INPP4B: variants seen among roughly 807,000 people sequenced by gnomAD.
The protein encoded by INPP4B is inositol polyphosphate 4-phosphatase type II.
INPP4B carries 55 observed loss-of-function variants against 122.5 expected under a neutral mutation model. The observed-to-expected ratio is 0.45, with a 90% CI of 0.36 to 0.56. The LOEUF (loss-of-function observed/expected upper bound fraction) is 0.56, where lower values mean the gene tolerates loss of function less well. INPP4B is among the 20% of genes least tolerant of loss of function. The probability of loss-of-function intolerance (pLI) is 0.00; values close to 1 mark genes in which losing one functional copy is unlikely to be tolerated. For missense variants in INPP4B, 1,000 were observed against 1,097.7 expected (o/e 0.91, Z 1.26); for synonymous variants, 403 against 388.7 (o/e 1.04, Z -0.43).
intron 2 of INPP4B, among the ~76,000 whole-genome samples, chr4:142,518,205 T>C (rs150939919): frequency 5.4e-4 from 82 of 152,236 alleles, no homozygotes; most frequent in African/African-American, 1.8e-3. Context: ...AGATTAAAAG[T>C]CAGAAACCCT....
chr4:142,691,404 T>C (rs571475555), intron 2 of INPP4B, among the ~76,000 whole-genome samples: 1 of 151,794 alleles, frequency 6.6e-6, no homozygotes, highest in East Asian at 1.9e-4. Flanking sequence ...ACAGATGCCC[T>C]AGAAAAATTT....
At chr4:142,749,399 A>T (rs1404735811) in intron 1 of INPP4B, among the ~76,000 whole-genome samples, 1 of 150,494 alleles carries the variant, frequency 6.6e-6, no homozygotes, top group Non-Finnish European at 1.5e-5. Flanking sequence ...AAAAGTAACC[A>T]AGTAAATCTA....
At chr4:142,277,092 A>G (rs1007609993) in intron 9 of INPP4B, among the ~76,000 whole-genome samples, 1 of 150,450 alleles carries the variant, frequency 6.6e-6, no homozygotes, top group Non-Finnish European at 1.5e-5. Flanking sequence ...GATGCTGAGC[A>G]TTTTTTTATA....
intron 1 of INPP4B, among the ~76,000 whole-genome samples, chr4:142,803,833 G>A (rs187599246): frequency 7.2e-5 from 11 of 151,904 alleles, no homozygotes; most frequent in Non-Finnish European, 1.5e-4. Flanking sequence ...GAGACAGGCG[G>A]ATCACATGAG....
chr4:142,505,342 G>C (rs943649892), intron 2 of INPP4B, among the ~76,000 whole-genome samples: 11 of 151,954 alleles, frequency 7.2e-5, no homozygotes, highest in African/African-American at 2.7e-4. Flanking sequence ...GGTGATGACT[G>C]TTGTTTTAAA....
intron 2 of INPP4B, among the ~76,000 whole-genome samples, chr4:142,518,373 T>C (rs1825672148): frequency 6.6e-6 from 1 of 152,150 alleles, no homozygotes; most frequent in South Asian, 2.1e-4. Context: ...AAAAAGCATG[T>C]GACACTTCAC....
At chr4:142,806,147 C>T (rs542272481) in intron 1 of INPP4B, among the ~76,000 whole-genome samples, 7 of 151,620 alleles carry the variant, frequency 4.6e-5, no homozygotes, top group South Asian at 2.1e-4. Flanking sequence ...GGCATGGTGG[C>T]GGGCGCCTGT....
intron 7 of INPP4B, among the ~76,000 whole-genome samples, chr4:142,323,726 T>G (rs1225583318): frequency 6.6e-6 from 1 of 151,700 alleles, no homozygotes; most frequent in Non-Finnish European, 1.5e-5. Flanking sequence ...ATTACAGGCG[T>G]GAGCCACAGC....
intron 1 of INPP4B, among the ~76,000 whole-genome samples, chr4:142,841,662 A>G (rs1385877231): frequency 6.6e-6 from 1 of 151,924 alleles, no homozygotes; most frequent in African/African-American, 2.4e-5. Context: ...CTTTTGAGAA[A>G]CATAAAAATC....
intron 11 of INPP4B, among the ~76,000 whole-genome samples, chr4:142,248,479 AG>A (rs1730169916): frequency 6.6e-6 from 1 of 151,656 alleles, no homozygotes; most frequent in African/African-American, 2.4e-5. Context: ...CTGGGATTAC[AG>A]GTGCCCATTA....
At chr4:142,076,118 TGACTGGA>T (rs1281007682) in intron 25 of INPP4B, among the ~76,000 whole-genome samples, 1 of 152,046 alleles carries the variant, frequency 6.6e-6, no homozygotes, top group Non-Finnish European at 1.5e-5. Context: ...CAAGTTGCTA[TGACTGGA>T]AAACAAACAC....
chr4:142,668,682 G>C (rs1756508086), intron 2 of INPP4B, among the ~76,000 whole-genome samples: 1 of 152,098 alleles, frequency 6.6e-6, no homozygotes, highest in Non-Finnish European at 1.5e-5. Context: ...ACAAAAATTA[G>C]TAGCACTTTT....
intron 2 of INPP4B, among the ~76,000 whole-genome samples, chr4:142,481,754 G>C (rs967160787): frequency 5.9e-5 from 9 of 152,126 alleles, no homozygotes; most frequent in Non-Finnish European, 1.2e-4. Flanking sequence ...CTAGAGTAGT[G>C]CTAGCCAATA....
In INPP4B at chr4:142,145,899, C is replaced by G. The variant is rs764610225; in HGVS notation, c.1661G>C (p.Gly554Ala). Residue 554 changes from glycine to alanine, a missense_variant, in exon 18 of 26, where the codon GGC (glycine) becomes GCC (alanine). Transcript: ENST00000262992. ...ERDGGSEGSG[G>A]NNDGEKEPSL... Reference sequence around the variant, plus strand: ...AGGTTCCTTTTCTCCATCATTGTTGCCGCCACTGCCTTCACTGCCACCATC... The same window carrying G: ...AGGTTCCTTTTCTCCATCATTGTTGGCGCCACTGCCTTCACTGCCACCATC... 6.2e-7 allele frequency: 1 copy of G among 1,613,774 alleles called. No homozygotes were observed. Among genetic ancestry groups the G allele is most frequent in the Non-Finnish European group, 8.5e-7 (1 of 1,179,786 alleles).
chr4:142,758,121 A>G (rs1334783406), intron 1 of INPP4B, among the ~76,000 whole-genome samples: 1 of 152,166 alleles, frequency 6.6e-6, no homozygotes, highest in South Asian at 2.1e-4. Flanking sequence ...TTTTAAAAAG[A>G]TATTTAAAAA....
chr4:142,698,247 T>C (rs1761271795), intron 2 of INPP4B, among the ~76,000 whole-genome samples: 1 of 152,010 alleles, frequency 6.6e-6, no homozygotes, highest in African/African-American at 2.4e-5. Flanking sequence ...AAATCCATCA[T>C]TTTTATTGAT....
chr4:142,370,031 A>G (rs115399745), intron 7 of INPP4B, among the ~76,000 whole-genome samples: 1,940 of 152,246 alleles, frequency 0.013, 20 homozygotes, highest in Non-Finnish European at 0.022. Context: ...TGATATATCA[A>G]TCGTAGACCA....
At chr4:142,425,510 C>T (rs1410508329) in intron 5 of INPP4B, among the ~76,000 whole-genome samples, 2 of 151,892 alleles carry the variant, frequency 1.3e-5, no homozygotes, top group African/African-American at 4.8e-5. Flanking sequence ...CCCTTCGATC[C>T]CAGTATTCCC....
At chr4:142,617,364 C>T (rs956167549) in intron 2 of INPP4B, among the ~76,000 whole-genome samples, 1 of 152,092 alleles carries the variant, frequency 6.6e-6, no homozygotes, top group Non-Finnish European at 1.5e-5. Context: ...ACATGCATAG[C>T]TGATCTGCAC....
Sources: allele counts gnomAD v4.1 joint callset (sites outside exome capture counted in the v4.1 genomes callset), GRCh38; gene constraint gnomAD v4.1.1; transcripts MANE v1.5; gene names NCBI Gene and HGNC (gene_info 2026-07-23, HGNC 2026-07-21).